SPMIP2: variants seen among roughly 807,000 people sequenced by gnomAD.
The protein encoded by SPMIP2 is sperm microtubule inner protein 2.
At chr4:158,978,883 CTG>C in the SPMIP2 span, among the ~76,000 whole-genome samples, 1 of 151,816 alleles carries the variant, frequency 6.6e-6, no homozygotes, top group Non-Finnish European at 1.5e-5. Flanking sequence ...TTTTGCCACT[CTG>C]TACTGAGTGC....
chr4:158,999,004 AT>A, the SPMIP2 span, among the ~76,000 whole-genome samples: 6 of 151,936 alleles, frequency 3.9e-5, no homozygotes, highest in African/African-American at 9.7e-5. Context: ...TACAAAAAAA[AT>A]TTTTTTTAAT....
chr4:159,010,310 C>G, the SPMIP2 span, among the ~76,000 whole-genome samples: 1 of 152,222 alleles, frequency 6.6e-6, no homozygotes, highest in Non-Finnish European at 1.5e-5. Flanking sequence ...CTCCCCTTCA[C>G]AGCACGTGTT....
chr4:159,077,409 G>A, the SPMIP2 span, among the ~76,000 whole-genome samples: 1 of 152,168 alleles, frequency 6.6e-6, no homozygotes, highest in Non-Finnish European at 1.5e-5. Flanking sequence ...GCCTCCCAAA[G>A]TGCTGGGATT....
chr4:158,985,508 T>C, the SPMIP2 span, among the ~76,000 whole-genome samples: 1 of 152,144 alleles, frequency 6.6e-6, no homozygotes, highest in African/African-American at 2.4e-5. Flanking sequence ...TAATCCAGCA[T>C]ATAAACAGAA....
At chr4:159,015,313 C>T in the SPMIP2 span, among the ~76,000 whole-genome samples, 1 of 152,144 alleles carries the variant, frequency 6.6e-6, no homozygotes, top group Admixed American at 6.5e-5. Context: ...AGGAAAAATG[C>T]AGTGCCTCAT....
the SPMIP2 span, among the ~76,000 whole-genome samples, chr4:159,071,471 AC>A: frequency 9.2e-5 from 14 of 152,240 alleles, no homozygotes; most frequent in African/African-American, 3.1e-4. Context: ...AATTCAAAAC[AC>A]CTGCTGTCTC....
chr4:158,925,098 G>C, the SPMIP2 span, among the ~76,000 whole-genome samples: 1 of 152,174 alleles, frequency 6.6e-6, no homozygotes, highest in South Asian at 2.1e-4. Flanking sequence ...TCTGGAAACA[G>C]TTTGTGAAGA....
At chr4:158,953,590 A>G in the SPMIP2 span, among the ~76,000 whole-genome samples, 3 of 152,208 alleles carry the variant, frequency 2.0e-5, no homozygotes, top group Non-Finnish European at 2.9e-5. Flanking sequence ...AGGAGAGGGC[A>G]ACTGTCCTCC....
the SPMIP2 span, among the ~76,000 whole-genome samples, chr4:158,990,822 T>A: frequency 6.6e-6 from 1 of 152,070 alleles, no homozygotes; most frequent in Non-Finnish European, 1.5e-5. Flanking sequence ...CACCATGTCA[T>A]GTGTAAGCAA....
the SPMIP2 span, among the ~76,000 whole-genome samples, chr4:158,917,720 CTTTTTTTTTT>C: frequency 2.8e-5 from 2 of 70,288 alleles, no homozygotes; most frequent in Admixed American, 3.8e-4. Context: ...CACTATTTGA[CTTTTTTTTTT>C]TTTTTTTTTT....
chr4:158,932,461 T>C, the SPMIP2 span, among the ~76,000 whole-genome samples: 4 of 152,300 alleles, frequency 2.6e-5, no homozygotes, highest in African/African-American at 9.6e-5. Flanking sequence ...AGAGTGAGAC[T>C]CTGTGTCAAA....
the SPMIP2 span, among the ~76,000 whole-genome samples, chr4:158,912,399 A>C: frequency 1.3e-5 from 2 of 152,244 alleles, no homozygotes; most frequent in Non-Finnish European, 2.9e-5. Context: ...TTGATGGGAA[A>C]GTTTATGATA....
At chr4:159,041,084 A>G in the SPMIP2 span, among the ~76,000 whole-genome samples, 1 of 152,240 alleles carries the variant, frequency 6.6e-6, no homozygotes, top group Admixed American at 6.5e-5. Flanking sequence ...AAATTTAAAC[A>G]GCGACCATCA....
At chr4:159,009,060 CA>C in the SPMIP2 span, among the ~76,000 whole-genome samples, 4 of 152,124 alleles carry the variant, frequency 2.6e-5, no homozygotes, top group Non-Finnish European at 4.4e-5. Flanking sequence ...TAAACATTTC[CA>C]ACATGGTCAA....
At chr4:158,983,441 C>T in the SPMIP2 span, among the ~76,000 whole-genome samples, 5 of 151,738 alleles carry the variant, frequency 3.3e-5, no homozygotes, top group Admixed American at 2.6e-4. Context: ...AAGGGAAGCC[C>T]ATCAGGCTAA....
the SPMIP2 span, among the ~76,000 whole-genome samples, chr4:158,994,380 G>A: frequency 1.9e-4 from 29 of 152,302 alleles, no homozygotes; most frequent in South Asian, 4.4e-3. Context: ...TTCCAGAACT[G>A]CCTTAAAACC....
the SPMIP2 span, among the ~76,000 whole-genome samples, chr4:159,046,137 G>A: frequency 1.3e-5 from 2 of 151,934 alleles, no homozygotes; most frequent in African/African-American, 4.8e-5. Flanking sequence ...GGCTGAGGCA[G>A]GATGATCACT....
At chr4:158,912,999 C>G in the SPMIP2 span, among the ~76,000 whole-genome samples, 2 of 152,084 alleles carry the variant, frequency 1.3e-5, no homozygotes, top group Admixed American at 1.3e-4. Flanking sequence ...TAACCTGAAC[C>G]CACTCGTGAG....
At chr4:158,987,072 C>A in the SPMIP2 span, among the ~76,000 whole-genome samples, 1 of 117,914 alleles carries the variant, frequency 8.5e-6, no homozygotes, top group African/African-American at 3.3e-5. Context: ...CAAATCAAAA[C>A]CACAGTGAGA....
Sources: gnomAD v4.1 joint callset for allele counts (sites outside exome capture counted in the v4.1 genomes callset) on GRCh38, gnomAD v4.1.1 for gene constraint, MANE v1.5 for transcripts, NCBI Gene and HGNC (gene_info 2026-07-23, HGNC 2026-07-21) for gene names.